SNX18: variants seen among roughly 807,000 people sequenced by gnomAD.
SNX18 encodes the protein sorting nexin 18, also known as sorting nexin-18.
SNX18 carries 35 observed loss-of-function variants against 48.7 expected under a neutral mutation model. The observed-to-expected ratio is 0.72, with a 90% CI of 0.55 to 0.95. The LOEUF is 0.95. SNX18 is among the 40% of genes least tolerant of loss of function. The probability of loss-of-function intolerance (pLI) is 0.00; values close to 1 mark genes in which losing one functional copy is unlikely to be tolerated. For synonymous variants in SNX18, 492 were observed against 384.7 expected, an observed-to-expected ratio of 1.28 and a Z score of -3.26; for missense variants, 824 against 871.0, an observed-to-expected ratio of 0.95 and a Z score of 0.68.
chr5:54,553,767 C>T, the SNX18 span, among the ~76,000 whole-genome samples: 1 of 152,168 alleles, frequency 6.6e-6, no homozygotes, highest in Non-Finnish European at 1.5e-5. Context: ...GCCTGAGAAC[C>T]TTGTCTCTCT....
the SNX18 span, among the ~76,000 whole-genome samples, chr5:54,556,390 T>C: frequency 6.6e-6 from 1 of 152,152 alleles, no homozygotes; most frequent in Non-Finnish European, 1.5e-5. Flanking sequence ...CCTTCATTCC[T>C]TGGCTCATGG....
the SNX18 span, among the ~76,000 whole-genome samples, chr5:54,603,458 G>C: frequency 6.6e-6 from 1 of 152,038 alleles, no homozygotes; most frequent in Admixed American, 6.6e-5. Flanking sequence ...AGGCTTGAGA[G>C]ATTTGAACTT....
At chr5:54,564,295 A>T in the SNX18 span, among the ~76,000 whole-genome samples, 23 of 152,250 alleles carry the variant, frequency 1.5e-4, no homozygotes, top group African/African-American at 3.4e-4. Context: ...AATAAATAAC[A>T]AAATAAAATA....
chr5:54,567,561 G>A, the SNX18 span, among the ~76,000 whole-genome samples: 36 of 152,266 alleles, frequency 2.4e-4, no homozygotes, highest in African/African-American at 7.7e-4. Context: ...ACATCAGGGC[G>A]ATGTGGCAGG....
chr5:54,619,240 G>A, the SNX18 span, among the ~76,000 whole-genome samples: 2 of 152,202 alleles, frequency 1.3e-5, no homozygotes, highest in Admixed American at 6.5e-5. Context: ...GCCAGGCACA[G>A]TGGCTCACGC....
At chr5:54,632,894 C>T in the SNX18 span, among the ~76,000 whole-genome samples, 8 of 152,158 alleles carry the variant, frequency 5.3e-5, no homozygotes, top group Admixed American at 4.6e-4. Context: ...CCTGCCTCGG[C>T]CTCCTGAGTA....
chr5:54,565,506 G>A, the SNX18 span, among the ~76,000 whole-genome samples: 2 of 152,084 alleles, frequency 1.3e-5, no homozygotes, highest in African/African-American at 4.8e-5. Flanking sequence ...CCAGGTCATT[G>A]AGGCTGCCGT....
the SNX18 span, among the ~76,000 whole-genome samples, chr5:54,634,233 T>G: frequency 4.0e-3 from 605 of 152,336 alleles, 3 homozygotes; most frequent in Non-Finnish European, 6.5e-3. Context: ...AAGGCTATGG[T>G]TGAATCAGGG....
At chr5:54,557,334 G>A in the SNX18 span, among the ~76,000 whole-genome samples, 1 of 152,198 alleles carries the variant, frequency 6.6e-6, no homozygotes, top group Non-Finnish European at 1.5e-5. Flanking sequence ...TGCAACTTAT[G>A]TGATTGTAAC....
At chr5:54,572,382 C>T in the SNX18 span, among the ~76,000 whole-genome samples, 2 of 152,106 alleles carry the variant, frequency 1.3e-5, no homozygotes, top group Admixed American at 6.6e-5. Flanking sequence ...CCATCACTGG[C>T]TCTGAGGTCA....
chr5:54,547,350 T>C (rs1329048650), downstream of SNX18, among the ~76,000 whole-genome samples: 3 of 152,214 alleles, frequency 2.0e-5, no homozygotes, highest in Admixed American at 6.5e-5. Context: ...TGAAGTCTAA[T>C]TTCTTTTGAC....
the SNX18 span, among the ~76,000 whole-genome samples, chr5:54,636,846 G>C: frequency 6.6e-6 from 1 of 152,174 alleles, no homozygotes; most frequent in African/African-American, 2.4e-5. Context: ...GAAGTTAAAT[G>C]AATTTCCTAA....
At chr5:54,542,340 T>A (rs1762487213) in intron 1 of SNX18, among the ~76,000 whole-genome samples, 1 of 152,212 alleles carries the variant, frequency 6.6e-6, no homozygotes, top group African/African-American at 2.4e-5. Flanking sequence ...CATGAGATTA[T>A]GGAACCGCTG....
At chr5:54,637,122 A>G in the SNX18 span, among the ~76,000 whole-genome samples, 7,852 of 152,252 alleles carry the variant, frequency 0.052, 274 homozygotes, top group Non-Finnish European at 0.08. Flanking sequence ...TGGTAAATGA[A>G]TTTTATTTGT....
chr5:54,602,483 C>T, the SNX18 span, among the ~76,000 whole-genome samples: 17 of 152,222 alleles, frequency 1.1e-4, no homozygotes, highest in African/African-American at 3.9e-4. Context: ...ACTGACGGGA[C>T]GTTAGCGGTG....
At chr5:54,590,506 CT>C in the SNX18 span, among the ~76,000 whole-genome samples, 10 of 152,124 alleles carry the variant, frequency 6.6e-5, no homozygotes, top group Non-Finnish European at 1.5e-5. Flanking sequence ...GTGATCATTG[CT>C]TTTGATCTGA....
chr5:54,602,737 T>C, the SNX18 span, among the ~76,000 whole-genome samples: 503 of 152,312 alleles, frequency 3.3e-3, 2 homozygotes, highest in African/African-American at 0.012. Context: ...GCTTGATCTC[T>C]TGGCTTGGGG....
chr5:54,610,261 T>C, the SNX18 span, among the ~76,000 whole-genome samples: 3 of 152,196 alleles, frequency 2.0e-5, no homozygotes, highest in South Asian at 6.2e-4. Flanking sequence ...ACACCACCCT[T>C]GTGTCACATC....
the SNX18 span, among the ~76,000 whole-genome samples, chr5:54,601,887 GAA>G: frequency 6.6e-6 from 1 of 151,630 alleles, no homozygotes; most frequent in Non-Finnish European, 1.5e-5. Context: ...ATTTTTTAAA[GAA>G]AAAAAAGGGC....
Sources: gnomAD v4.1 joint callset for allele counts (sites outside exome capture counted in the v4.1 genomes callset) on GRCh38, gnomAD v4.1.1 for gene constraint, MANE v1.5 for transcripts, NCBI Gene and HGNC (gene_info 2026-07-23, HGNC 2026-07-21) for gene names.